PLEKHA1: variants seen among roughly 807,000 people sequenced by gnomAD.
The protein encoded by PLEKHA1 is pleckstrin homology domain-containing family A member 1.
PLEKHA1 carries 34 observed loss-of-function variants against 52.0 expected under a neutral mutation model. The ratio of observed to expected loss-of-function variants is 0.65; its 90% CI spans 0.50 to 0.87. The LOEUF (loss-of-function observed/expected upper bound fraction) is 0.87, where lower values mean the gene tolerates loss of function less well. Ranked by LOEUF, PLEKHA1 falls within the 40% of genes least tolerant of loss-of-function variation. The pLI is 0.00. For synonymous variants in PLEKHA1, 163 were observed against 170.7 expected, an observed-to-expected ratio of 0.95 and a Z score of 0.35; for missense variants, 497 against 504.2, an observed-to-expected ratio of 0.99 and a Z score of 0.14.
chr10:122,397,035 T>A (rs1337696310), intron 2 of PLEKHA1, among the ~76,000 whole-genome samples: 1 of 152,126 alleles, frequency 6.6e-6, no homozygotes, highest in Non-Finnish European at 1.5e-5. Flanking sequence ...GATTAGGTTC[T>A]CAGTTCAAGT....
chr10:122,383,196 A>G (rs1038171147), intron 1 of PLEKHA1, among the ~76,000 whole-genome samples: 2 of 152,208 alleles, frequency 1.3e-5, no homozygotes, highest in Non-Finnish European at 2.9e-5. Flanking sequence ...AGCCCCAGCA[A>G]CTACCAACCC....
chr10:122,434,507 G>A (rs1284904503), downstream of PLEKHA1: 1 of 152,102 alleles, frequency 6.6e-6, no homozygotes, highest in Non-Finnish European at 1.5e-5. Flanking sequence ...AATGGAATTG[G>A]ATAAAAGCTA....
At chr10:122,406,971 C>A (rs778177469) in intron 5 of PLEKHA1, among the ~76,000 whole-genome samples, 25 of 152,100 alleles carry the variant, frequency 1.6e-4, no homozygotes, top group South Asian at 8.3e-4. Context: ...AGAGTTCTAC[C>A]GGGAGGATAT....
At chr10:122,410,504 A>G (rs1200361793) in intron 5 of PLEKHA1, among the ~76,000 whole-genome samples, 1 of 152,210 alleles carries the variant, frequency 6.6e-6, no homozygotes, top group Non-Finnish European at 1.5e-5. Context: ...ATTTAGACCA[A>G]GTTTTACAGA....
At chr10:122,389,625 G>A (rs1348718429) in intron 1 of PLEKHA1, among the ~76,000 whole-genome samples, 1 of 152,134 alleles carries the variant, frequency 6.6e-6, no homozygotes, top group Non-Finnish European at 1.5e-5. Flanking sequence ...CAGGAGAATT[G>A]CTTGAACCTG....
At chr10:122,402,137 T>G (rs1460919414) in intron 4 of PLEKHA1, among the ~76,000 whole-genome samples, 4 of 150,282 alleles carry the variant, frequency 2.7e-5, no homozygotes, top group African/African-American at 1.0e-4. Context: ...TTGACAACCC[T>G]TTTTTTTCTA....
intron 10 of PLEKHA1, 38 bp downstream of exon 10, chr10:122,424,997 AAAG>A (rs754758519): frequency 2.1e-5 from 32 of 1,529,724 alleles, no homozygotes; most frequent in Admixed American, 1.9e-4. Flanking sequence ...ATCCTCCTAA[AAAG>A]AAATTAATAA....
At chr10:122,413,511 A>G (rs531729520) in intron 6 of PLEKHA1, among the ~76,000 whole-genome samples, 31 of 152,278 alleles carry the variant, frequency 2.0e-4, no homozygotes, top group African/African-American at 7.0e-4. Context: ...AGAAATTCCT[A>G]GAAATAAAAT....
chr10:122,400,465 A>G lies in PLEKHA1; in HGVS notation c.244+77A>G, dbSNP rs1228446696. On this transcript the variant is annotated intron_variant, in intron 4 of 11. Transcript: ENST00000368990. Reference sequence around the variant, plus strand: ...ATTGTAAAAGAAAACTGTTGCAGAAAACCACACAAAACCTAGGGCTTAATG... The same window carrying G: ...ATTGTAAAAGAAAACTGTTGCAGAAGACCACACAAAACCTAGGGCTTAATG... The G allele has an allele frequency of 7.2e-6, 9 of 1,255,538 alleles. No individual in the cohort carries two copies. The Admixed American group carries it at 1.8e-4, about 25-fold the overall frequency. The allele number at this position is 1,255,538 out of a possible 1,614,324, so 77.8% of individuals were successfully genotyped here.
intron 1 of PLEKHA1, among the ~76,000 whole-genome samples, chr10:122,375,442 G>A (rs2096517849): frequency 6.6e-6 from 1 of 152,246 alleles, no homozygotes; most frequent in African/African-American, 2.4e-5. Flanking sequence ...AGGCAGCGTT[G>A]AAAGCGACTT....
At chr10:122,415,285 C>T (rs917918015) in intron 6 of PLEKHA1, among the ~76,000 whole-genome samples, 6 of 152,102 alleles carry the variant, frequency 3.9e-5, no homozygotes, top group African/African-American at 1.4e-4. Context: ...AGATTAGTGG[C>T]TGCCAGGGGA....
Position 122,393,158 on chromosome 10 carries a change from C to T in PLEKHA1, c.-20-23C>T. 1.9e-6 allele frequency: 3 copies of T among 1,551,800 alleles called. No homozygotes were observed. Among genetic ancestry groups the T allele is most frequent in the Non-Finnish European group, 2.6e-6 (3 of 1,148,892 alleles). ...ACTTTCCTGTTTCATAGGGAGCTTA[C>T]TGTTAATATTTTTATTTTACAGTGT... On this transcript the variant is annotated intron_variant, in intron 1 of 11. Coordinates refer to ENST00000368990, the MANE Select transcript of PLEKHA1 (RefSeq NM_001001974.4). The surrounding 1 kb of genome is among the most constrained non-coding windows in gnomAD (Gnocchi z 4.5).
chr10:122,391,468 TTCATTCTA>T (rs1012657095), intron 1 of PLEKHA1, among the ~76,000 whole-genome samples: 4 of 152,230 alleles, frequency 2.6e-5, no homozygotes, highest in African/African-American at 9.6e-5. Flanking sequence ...GGGGTCCAGC[TTCATTCTA>T]TGTGGATATC....
chr10:122,400,754 A>G (rs1360868507), intron 4 of PLEKHA1, among the ~76,000 whole-genome samples: 1 of 152,244 alleles, frequency 6.6e-6, no homozygotes. Context: ...GCTTTTGGGT[A>G]GTGAGAAATG....
intron 11 of PLEKHA1, among the ~76,000 whole-genome samples, chr10:122,427,433 C>T (rs1000562872): frequency 9.2e-5 from 14 of 152,156 alleles, no homozygotes; most frequent in African/African-American, 3.4e-4. Context: ...TCTTTACTTC[C>T]TCTGATTTCA....
chr10:122,385,338 G>GGC (rs1565130566), intron 1 of PLEKHA1, among the ~76,000 whole-genome samples: 2 of 127,548 alleles, frequency 1.6e-5, no homozygotes, highest in Admixed American at 1.7e-4. Flanking sequence ...TTTTTTTGAG[G>GGC]CGGAGTTTCG....
At chr10:122,410,987 A>G (rs1038541831) in intron 5 of PLEKHA1, among the ~76,000 whole-genome samples, 1 of 152,196 alleles carries the variant, frequency 6.6e-6, no homozygotes, top group Non-Finnish European at 1.5e-5. Context: ...TAATTGAAAT[A>G]TATGGTGCTA....
chr10:122,437,848 C>T, the PLEKHA1 span: 1 of 152,326 alleles, frequency 6.6e-6, no homozygotes, highest in Non-Finnish European at 1.5e-5. Context: ...GTGATCTTGC[C>T]AGGGCCTGTT....
chr10:122,418,252 G>C (rs888381542), intron 8 of PLEKHA1: 4 of 278,932 alleles, frequency 1.4e-5, no homozygotes, highest in Non-Finnish European at 2.0e-5. Context: ...TGTCCTCTTG[G>C]GGGGTTAGCC....
Sources: gnomAD v4.1 joint callset for allele counts (sites outside exome capture counted in the v4.1 genomes callset) on GRCh38, gnomAD v4.1.1 for gene constraint, Gnocchi (gnomAD v3.1) non-coding constraint, MANE v1.5 for transcripts, NCBI Gene and HGNC (gene_info 2026-07-23, HGNC 2026-07-21) for gene names.